Variants in TPCN2 observed in about 807,000 individuals in gnomAD.
The protein encoded by TPCN2 is two pore segment channel 2, also known as two pore channel protein 2.
In TPCN2, 92 loss-of-function variants were observed where a neutral mutation model predicts 111.4. The ratio of observed to expected loss-of-function variants is 0.83; its 90% CI spans 0.70 to 0.98. The LOEUF is 0.98. TPCN2 is among the 50% of genes least tolerant of loss of function. TPCN2 has a pLI of 0.00. For synonymous variants in TPCN2, 405 were observed against 414.5 expected, an observed-to-expected ratio of 0.98 and a Z score of 0.28; for missense variants, 995 against 980.1, an observed-to-expected ratio of 1.02 and a Z score of -0.20.
chr11:69,089,845 G>T lies in TPCN2; in HGVS notation c.*1892G>T, dbSNP rs192303781. ...CTTCTTGTATTCAGGGCTGTGGTCTGTTATGACATTTACTCTCAGGCTCAG... is the reference window on the plus strand; with the variant it reads ...CTTCTTGTATTCAGGGCTGTGGTCTTTTATGACATTTACTCTCAGGCTCAG... On this transcript the variant is annotated 3_prime_UTR_variant, in exon 25 of 25. Coordinates refer to ENST00000294309, the MANE Select transcript of TPCN2 (RefSeq NM_139075.4). 1 of 152,366 alleles carries T rather than the reference G, an allele frequency of 6.6e-6. No homozygotes were observed. Among genetic ancestry groups the T allele is most frequent in the East Asian group, 1.9e-4 (1 of 5,180 alleles). 9.4% of individuals were successfully genotyped at this position (152,366 alleles called of 1,614,324 possible).
intron 5 of TPCN2, 99 bp from the exon 6 acceptor site, chr11:69,062,785 G>A: frequency 8.7e-7 from 1 of 1,149,346 alleles, no homozygotes; most frequent in Non-Finnish European, 1.3e-6. Context: ...GTGGCCCCCA[G>A]GGCACTGGGG....
chr11:69,085,918 G>T lies in TPCN2; in HGVS notation c.1991G>T (p.Arg664Leu), dbSNP rs770687181. The change falls in exon 22 of 25, where the codon CGC becomes CTC. Residue 664 changes from arginine to leucine, a missense_variant. Coordinates refer to ENST00000294309, the MANE Select transcript of TPCN2 (RefSeq NM_139075.4). ...NWQVFLDAYR[R>L]YSGPWSKIYF... Reference sequence around the variant, plus strand: ...CAGGTGTTTCTGGATGCATATCGGCGCTACTCAGGCCCGTGAGTCCTCGTC... The same window carrying T: ...CAGGTGTTTCTGGATGCATATCGGCTCTACTCAGGCCCGTGAGTCCTCGTC... 3 of 1,614,018 alleles carry T rather than the reference G, an allele frequency of 1.9e-6. No individual in the cohort carries two copies. The highest frequency in any genetic ancestry group is 2.2e-5 in the East Asian group (1 of 44,874).
rs1856323761 is a variant in TPCN2, at chr11:69,087,243, T to A, written c.2180+37T>A. 2.5e-6 allele frequency: 4 copies of A among 1,586,928 alleles called. No homozygotes were observed. The East Asian group carries it at 9.0e-5, about 36-fold the overall frequency. On this transcript the variant is annotated intron_variant, in intron 24 of 24. Transcript: ENST00000294309. ...GGGAAGGCGCTTCTGTCTGGCCCCCTGGGATGGGAAGCCAAGAGCTGGGGG... is the reference window on the plus strand; with the variant it reads ...GGGAAGGCGCTTCTGTCTGGCCCCCAGGGATGGGAAGCCAAGAGCTGGGGG...
At chr11:69,085,533 C>T in intron 20 of TPCN2, 138 bp from the exon 21 acceptor site, 2 of 730,528 alleles carry the variant, frequency 2.7e-6, no homozygotes, top group Non-Finnish European at 4.8e-6. Context: ...GCAGCACTTT[C>T]CCTGCCCTCT....
intron 4 of TPCN2, among the ~76,000 whole-genome samples, chr11:69,056,282 G>T (rs1854760469): frequency 6.6e-6 from 1 of 152,234 alleles, no homozygotes; most frequent in Non-Finnish European, 1.5e-5. Flanking sequence ...CTTGTGGGCA[G>T]GGCGGGCTGT....
At chr11:69,055,584 C>T (rs1283597455) in intron 4 of TPCN2, among the ~76,000 whole-genome samples, 2 of 152,086 alleles carry the variant, frequency 1.3e-5, no homozygotes, top group Non-Finnish European at 2.9e-5. Flanking sequence ...CGTCAGCTCT[C>T]CTCCCTCTCC....
rs1432669172 is a variant in TPCN2 at position 69,081,395 on chromosome 11, C to T, written c.1590-5C>T. The T allele has an allele frequency of 6.5e-7, 1 of 1,546,522 alleles. No individual in the cohort carries two copies. The highest frequency in any genetic ancestry group is 1.2e-5 in the South Asian group (1 of 84,228). ...TCCCAACCCGCCTCCCGTGTCTCTC[C>T]CCAGGAGGCCGGAGATGGTGGGCCT... On this transcript the variant is annotated splice_polypyrimidine_tract_variant and splice_region_variant and intron_variant, in intron 17 of 24. Coordinates refer to ENST00000294309, the MANE Select transcript of TPCN2 (RefSeq NM_139075.4).
intron 1 of TPCN2, among the ~76,000 whole-genome samples, chr11:69,050,057 C>T (rs1420377429): frequency 6.6e-6 from 1 of 152,248 alleles, no homozygotes; most frequent in South Asian, 2.1e-4. Context: ...GGGTTGGAAT[C>T]CTGGTGCCCA....
chr11:69,085,968 G>T (rs1790071273), intron 22 of TPCN2, 38 bp downstream of exon 22: 2 of 1,586,698 alleles, frequency 1.3e-6, no homozygotes, highest in African/African-American at 2.7e-5. Flanking sequence ...GATTCTCCGT[G>T]CAGCCTGGGG....
chr11:69,070,308 G>T (rs2134581958), intron 8 of TPCN2, 122 bp from the exon 9 acceptor site: 17 of 760,994 alleles, frequency 2.2e-5, no homozygotes, highest in South Asian at 2.2e-4. Flanking sequence ...TTACAGGCGT[G>T]AGCCACCACG....
In TPCN2 at chr11:69,055,298, C is replaced by T. The variant is rs142764445; in HGVS notation, c.375C>T (p.Thr125=). ...CCTGGGAGCCGCCCTGCGGCCTGAC[C>T]GAGAGTGTCGAGGTGCTCTGCCTGC... The part of the protein sequence containing the change: ...AAPWEPPCGL[T]ESVEVLCLLV... Residue 125 remains threonine (T), a synonymous_variant, in exon 4 of 25, where the codon ACC becomes ACT. Transcript: ENST00000294309. 246 of 1,613,590 alleles carry T rather than the reference C, an allele frequency of 1.5e-4. No individual in the cohort carries two copies. The highest frequency in any genetic ancestry group is 1.7e-4 in the Non-Finnish European group (204 of 1,179,924).
intron 9 of TPCN2, among the ~76,000 whole-genome samples, 158 bp downstream of exon 9, chr11:69,070,653 AT>A (rs1436596701): frequency 3.4e-5 from 5 of 148,030 alleles, no homozygotes; most frequent in Admixed American, 6.7e-5. Context: ...AACCCCAGAG[AT>A]CCCCCACCAA....
Position 69,075,750 on chromosome 11 carries a change from T to A in TPCN2, c.1231-2732T>A, listed in dbSNP as rs943057849. 9.2e-5 allele frequency among the ~76,000 whole-genome samples: 14 copies of A among 152,302 alleles called. 1 individual carries two copies. Among genetic ancestry groups the A allele is most frequent in the Admixed American group, 3.9e-4 (6 of 15,294 alleles). On this transcript the variant is annotated intron_variant, in intron 13 of 24. Transcript: ENST00000294309. Reference sequence around the variant, plus strand: ...TGGCCGTGGCCAGGGAGTCGGTTGGTGCTTGCTGGCGAGCTTCAGAGAAGG... The same window carrying A: ...TGGCCGTGGCCAGGGAGTCGGTTGGAGCTTGCTGGCGAGCTTCAGAGAAGG...
At chr11:69,087,061 G>T (rs1294880352) in intron 23 of TPCN2, 51 bp from the exon 24 acceptor site, 2 of 1,534,256 alleles carry the variant, frequency 1.3e-6, no homozygotes, top group Non-Finnish European at 1.8e-6. Flanking sequence ...ATGGGGCAAG[G>T]CTGCTTTCAT....
chr11:69,063,562 G>A (rs1051202770), intron 6 of TPCN2, among the ~76,000 whole-genome samples: 2 of 152,136 alleles, frequency 1.3e-5, no homozygotes, highest in Admixed American at 1.3e-4. Context: ...AGTGGCTCAC[G>A]TGCTGACCCC....
Position 69,083,931 on chromosome 11 carries a change from C to T in TPCN2, c.1690-14C>T. ...CCAGGAGGAGTAAGGGCTGTGCTCT[C>T]TTCCTGTCCTCAGCTGATGGCCGTG... On this transcript the variant is annotated splice_polypyrimidine_tract_variant and intron_variant, in intron 18 of 24. Transcript: ENST00000294309. 6.2e-7 allele frequency: 1 copy of T among 1,613,318 alleles called. No homozygotes were observed.
In TPCN2 at chr11:69,057,564, C is replaced by T. The variant is rs200156819; in HGVS notation, c.430-14C>T. 3.6e-5 allele frequency: 58 copies of T among 1,612,332 alleles called. No individual in the cohort carries two copies. The East Asian group carries it at 6.7e-4, about 19-fold the overall frequency. On this transcript the variant is annotated splice_polypyrimidine_tract_variant and intron_variant, in intron 4 of 24. Transcript: ENST00000294309. ...TGGGGCTACTTGCTGCTCACCCGCC[C>T]GTCTATCTTGCAGGGTTACCTGTTC... is the stretch of plus-strand genomic sequence containing the variant.
chr11:69,082,492 C>T (rs191750520), intron 18 of TPCN2, among the ~76,000 whole-genome samples: 9 of 152,426 alleles, frequency 5.9e-5, no homozygotes, highest in East Asian at 5.8e-4. Context: ...AACTCATGTC[C>T]GTGTAAGACG....
At chr11:69,064,421 C>T (rs1855171097) in intron 7 of TPCN2, among the ~76,000 whole-genome samples, 1 of 152,120 alleles carries the variant, frequency 6.6e-6, no homozygotes, top group Admixed American at 6.5e-5. Flanking sequence ...GACTGCAGCC[C>T]CCAAGGCTGC....
Sources: gnomAD v4.1 joint callset for allele counts (sites outside exome capture counted in the v4.1 genomes callset) on GRCh38, gnomAD v4.1.1 for gene constraint, MANE v1.5 for transcripts, NCBI Gene and HGNC (gene_info 2026-07-23, HGNC 2026-07-21) for gene names.